The following MACO1 variants were observed in gnomAD, a reference collection of about 807,000 sequenced individuals.
MACO1 encodes the protein macoilin.
In MACO1, 14 loss-of-function variants were observed where a neutral mutation model predicts 78.7. The observed-to-expected ratio is 0.18, with a 90% confidence interval of 0.12 to 0.28. MACO1 has a LOEUF of 0.28. Among genes scored for constraint, MACO1 ranks in the 10% least tolerant of loss-of-function variants. MACO1 has a pLI of 1.00. For synonymous variants in MACO1, 288 were observed against 291.6 expected (o/e 0.99, Z 0.12); for missense variants, 501 against 799.0 (o/e 0.63, Z 4.50).
chr1:25,470,072 G>T (rs374918954), intron 6 of MACO1, among the ~76,000 whole-genome samples: 6 of 152,300 alleles, frequency 3.9e-5, no homozygotes, highest in African/African-American at 7.2e-5. Flanking sequence ...TTGTTGAATA[G>T]AAAGGACTAT....
At chr1:25,470,615 A>G (rs1225984028) in intron 6 of MACO1, among the ~76,000 whole-genome samples, 1 of 152,190 alleles carries the variant, frequency 6.6e-6, no homozygotes, top group Admixed American at 6.5e-5. Context: ...ATAACAAACA[A>G]TTATCTTGAA....
chr1:25,455,273 A>C (rs2043109435), intron 4 of MACO1, among the ~76,000 whole-genome samples: 1 of 152,118 alleles, frequency 6.6e-6, no homozygotes, highest in South Asian at 2.1e-4. Flanking sequence ...TATTCATTTA[A>C]TCTTAACCAT....
At position 25,463,926 on chromosome 1, in the gene MACO1, A is replaced by G. The variant is rs369058803; in HGVS notation, c.1154+5034A>G. On this transcript the variant is annotated intron_variant, in intron 6 of 10. Transcript: ENST00000374343. Reference sequence around the variant, plus strand: ...TTTCTCATATACCTGCTGTCCCCACACATGCCTAGCCTTCCCATTGTCAGC... The same window carrying G: ...TTTCTCATATACCTGCTGTCCCCACGCATGCCTAGCCTTCCCATTGTCAGC... 6.6e-5 allele frequency among the ~76,000 whole-genome samples: 10 copies of G among 152,350 alleles called. No individual in the cohort carries two copies. The East Asian group carries it at 1.7e-3, about 26-fold the overall frequency.
chr1:25,457,511 A>G (rs946680483), intron 5 of MACO1, among the ~76,000 whole-genome samples: 3 of 152,210 alleles, frequency 2.0e-5, no homozygotes, highest in Admixed American at 6.5e-5. Flanking sequence ...TATAAGCACA[A>G]TGGAGATGTA....
At chr1:25,447,349 T>C (rs2043025687) in intron 2 of MACO1, among the ~76,000 whole-genome samples, 1 of 152,224 alleles carries the variant, frequency 6.6e-6, no homozygotes, top group African/African-American at 2.4e-5. Context: ...GTAAAAACTA[T>C]TGAGGACTCC....
chr1:25,481,428 G>T (rs1427302825), intron 6 of MACO1, among the ~76,000 whole-genome samples: 1 of 152,152 alleles, frequency 6.6e-6, no homozygotes, highest in Non-Finnish European at 1.5e-5. Context: ...CTTGTGCAGG[G>T]TCAGAGAGTT....
intron 4 of MACO1, 91 bp from the exon 5 acceptor site, chr1:25,456,562 T>G (rs2043123016): frequency 7.6e-7 from 1 of 1,320,758 alleles, no homozygotes; most frequent in Non-Finnish European, 1.1e-6. Context: ...AATTTATTTT[T>G]AATTTTTAAG....
intron 6 of MACO1, among the ~76,000 whole-genome samples, chr1:25,462,945 T>C (rs2043184716): frequency 6.6e-6 from 1 of 152,200 alleles, no homozygotes; most frequent in Non-Finnish European, 1.5e-5. Flanking sequence ...ACACAGCCAC[T>C]CTCATTCATT....
At chr1:25,449,455 C>T (rs947903840) in intron 3 of MACO1, among the ~76,000 whole-genome samples, 1 of 152,176 alleles carries the variant, frequency 6.6e-6, no homozygotes, top group Non-Finnish European at 1.5e-5. Flanking sequence ...AGTTATTCCT[C>T]ATATTAAGCC....
chr1:25,469,514 T>G (rs1479186319), intron 6 of MACO1, among the ~76,000 whole-genome samples: 1 of 152,182 alleles, frequency 6.6e-6, no homozygotes, highest in Non-Finnish European at 1.5e-5. Context: ...GTGACTAGAC[T>G]TTCCTGATGG....
intron 1 of MACO1, among the ~76,000 whole-genome samples, chr1:25,438,582 A>G (rs1326967815): frequency 6.6e-6 from 1 of 152,234 alleles, no homozygotes; most frequent in African/African-American, 2.4e-5. Flanking sequence ...TGTTGCTGCT[A>G]AAATGGATAA....
chr1:25,458,055 T>C lies in MACO1; in HGVS notation c.653-336T>C, dbSNP rs193103137. ...TGCCTTTGTCCTCTCACCTCAGTGATAGGCGAGTTTGATTTGACTAATACA... is the reference window on the plus strand; with the variant it reads ...TGCCTTTGTCCTCTCACCTCAGTGACAGGCGAGTTTGATTTGACTAATACA... On this transcript the variant is annotated intron_variant, in intron 5 of 10. Transcript: ENST00000374343. Among the ~76,000 whole-genome samples, 130 of 152,358 alleles carry C rather than the reference T, an allele frequency of 8.5e-4. 1 individual carries two copies. The highest frequency in any genetic ancestry group is 2.9e-3 in the African/African-American group (121 of 41,578).
intron 6 of MACO1, among the ~76,000 whole-genome samples, chr1:25,470,271 C>G (rs1355884414): frequency 6.6e-6 from 1 of 152,170 alleles, no homozygotes; most frequent in Non-Finnish European, 1.5e-5. Flanking sequence ...CATTCTTTAT[C>G]TCTTGTAGGG....
intron 6 of MACO1, among the ~76,000 whole-genome samples, chr1:25,469,927 A>G (rs1179822597): frequency 1.3e-5 from 2 of 152,046 alleles, no homozygotes; most frequent in Non-Finnish European, 2.9e-5. Context: ...CGCCCGGCCA[A>G]CCTCTGACTT....
chr1:25,433,998 A>T (rs939978808), intron 1 of MACO1, among the ~76,000 whole-genome samples: 7 of 152,060 alleles, frequency 4.6e-5, no homozygotes, highest in Admixed American at 4.6e-4. Context: ...CCTGTTGTGG[A>T]CTCACTTTTA....
intron 6 of MACO1, among the ~76,000 whole-genome samples, chr1:25,459,361 A>G (rs1430313633): frequency 1.3e-5 from 2 of 152,204 alleles, no homozygotes; most frequent in Non-Finnish European, 2.9e-5. Flanking sequence ...TAGAATATGA[A>G]TTATCCTAGA....
chr1:25,452,837 C>T (rs1238580647), intron 3 of MACO1, among the ~76,000 whole-genome samples: 1 of 151,368 alleles, frequency 6.6e-6, no homozygotes, highest in African/African-American at 2.4e-5. Context: ...ACTGGAATTA[C>T]AGGTGTGCAC....
chr1:25,442,010 A>G (rs114934842), intron 1 of MACO1, among the ~76,000 whole-genome samples: 565 of 152,382 alleles, frequency 3.7e-3, no homozygotes, highest in African/African-American at 0.013. Flanking sequence ...AATTTATGTT[A>G]TATACCAGTG....
In MACO1 at chr1:25,499,773, C is replaced by T. The variant is rs1413916193; in HGVS notation, c.*1307C>T. On this transcript the variant is annotated 3_prime_UTR_variant, in exon 11 of 11. Transcript: ENST00000374343. ...TAAGAAACCAAATAAATTGGTTTTG[C>T]TTCCTTGCCATGGATTCTGGAAGGA... 1 of 152,100 alleles carries T rather than the reference C, an allele frequency of 6.6e-6. No individual in the cohort carries two copies. The highest frequency in any genetic ancestry group is 2.4e-5 in the African/African-American group (1 of 41,414). The allele number at this position is 152,100 out of a possible 1,614,324, so 9.4% of individuals were successfully genotyped here.
Sources: gnomAD v4.1 joint callset for allele counts (sites outside exome capture counted in the v4.1 genomes callset) on GRCh38, gnomAD v4.1.1 for gene constraint, MANE v1.5 for transcripts, NCBI Gene and HGNC (gene_info 2026-07-23, HGNC 2026-07-21) for gene names.